SDK1: variants seen among roughly 807,000 people sequenced by gnomAD.
SDK1 encodes the protein protein sidekick-1.
SDK1 carries 157 observed loss-of-function variants against 245.5 expected under a neutral mutation model. The observed-to-expected ratio is 0.64, with a 90% CI of 0.56 to 0.73. The LOEUF (loss-of-function observed/expected upper bound fraction) is 0.73, where lower values mean the gene tolerates loss of function less well. Ranked by LOEUF, SDK1 falls within the 30% of genes least tolerant of loss-of-function variation. The pLI, the probability that SDK1 is intolerant of heterozygous loss-of-function variation, is 0.00. For missense variants in SDK1, 3,583 were observed against 3,002.3 expected (o/e 1.19, Z -4.52); for synonymous variants, 1,647 against 1,278.5 (o/e 1.29, Z -6.15).
At chr7:3,434,347 A>G (rs1193115632) in intron 1 of SDK1, among the ~76,000 whole-genome samples, 1 of 152,202 alleles carries the variant, frequency 6.6e-6, no homozygotes, top group Non-Finnish European at 1.5e-5. Flanking sequence ...TGGTTTTGGT[A>G]TATGAGGTGG....
At chr7:3,931,663 A>T (rs1025654385) in intron 5 of SDK1, among the ~76,000 whole-genome samples, 2 of 152,126 alleles carry the variant, frequency 1.3e-5, no homozygotes, top group Admixed American at 1.3e-4. Flanking sequence ...CAGCATCCCT[A>T]GGTTGATTGG....
intron 4 of SDK1, among the ~76,000 whole-genome samples, chr7:3,685,218 A>AC (rs1297586804): frequency 6.6e-6 from 1 of 151,822 alleles, no homozygotes; most frequent in African/African-American, 2.4e-5. Context: ...TTAAGTTAAA[A>AC]AAAAAAAGAG....
chr7:4,247,433 C>G (rs1287785832), intron 44 of SDK1, among the ~76,000 whole-genome samples: 3 of 152,248 alleles, frequency 2.0e-5, no homozygotes, highest in African/African-American at 7.2e-5. Flanking sequence ...CAGGGGCTGT[C>G]AAGTGAAATC....
intron 23 of SDK1, 80 bp from the exon 24 acceptor site, chr7:4,113,209 C>T: frequency 6.9e-7 from 1 of 1,459,754 alleles, no homozygotes; most frequent in Non-Finnish European, 9.3e-7. Flanking sequence ...CCTTGAGAAA[C>T]AGTCAGCGCC....
chr7:4,139,703 G>A (rs142459161), intron 28 of SDK1, among the ~76,000 whole-genome samples: 2,898 of 28,104 alleles, frequency 0.1, 29 homozygotes, highest in East Asian at 0.21. Context: ...GTGTGTGTGT[G>A]TATGTGTGTG....
intron 1 of SDK1, among the ~76,000 whole-genome samples, chr7:3,393,083 G>C (rs988246863): frequency 2.7e-5 from 4 of 145,472 alleles, no homozygotes; most frequent in South Asian, 4.4e-4. Flanking sequence ...CGATTGTCCT[G>C]TCTCAGTCTC....
intron 4 of SDK1, among the ~76,000 whole-genome samples, chr7:3,644,331 A>G (rs1782753577): frequency 6.6e-6 from 1 of 151,738 alleles, no homozygotes; most frequent in Admixed American, 6.6e-5. Flanking sequence ...GATAATTGCT[A>G]TCCTTTTTTC....
intron 1 of SDK1, among the ~76,000 whole-genome samples, chr7:3,342,581 T>C (rs1159536766): frequency 6.6e-6 from 1 of 150,406 alleles, no homozygotes; most frequent in Non-Finnish European, 1.5e-5. Context: ...AGAGCGAAAC[T>C]CCATCTCAAA....
intron 4 of SDK1, among the ~76,000 whole-genome samples, chr7:3,728,552 C>G (rs1779081206): frequency 6.6e-6 from 1 of 152,290 alleles, no homozygotes; most frequent in East Asian, 1.9e-4. Flanking sequence ...GGAGAAAGGC[C>G]TTGTGACATT....
intron 5 of SDK1, among the ~76,000 whole-genome samples, chr7:3,903,882 G>A (rs775088891): frequency 2.0e-5 from 3 of 152,042 alleles, no homozygotes; most frequent in Non-Finnish European, 4.4e-5. Flanking sequence ...TGAGAGAGCT[G>A]GTTGTTAAAA....
chr7:4,245,630 G>T, intron 43 of SDK1, 46 bp from the exon 44 acceptor site: 1 of 1,599,852 alleles, frequency 6.3e-7, no homozygotes, highest in Non-Finnish European at 8.5e-7. Flanking sequence ...CCGGGGAAGG[G>T]CGTCTTTTGC....
chr7:4,007,298 C>T (rs1473327248), intron 14 of SDK1, among the ~76,000 whole-genome samples: 1 of 152,140 alleles, frequency 6.6e-6, no homozygotes, highest in Non-Finnish European at 1.5e-5. Context: ...GAGCCCGAGG[C>T]AGTTGCAGAA....
intron 1 of SDK1, among the ~76,000 whole-genome samples, chr7:3,455,558 G>T (rs1306977219): frequency 6.6e-6 from 1 of 151,948 alleles, no homozygotes; most frequent in African/African-American, 2.4e-5. Context: ...GCCCTGAATT[G>T]CTTTTTCATC....
At chr7:4,246,244 T>C (rs1583167433) in intron 44 of SDK1, among the ~76,000 whole-genome samples, 1 of 152,094 alleles carries the variant, frequency 6.6e-6, no homozygotes, top group African/African-American at 2.4e-5. Context: ...AGAGTGTGGG[T>C]GTTGCCTGGG....
Position 3,803,248 on chromosome 7 carries a change from T to G in SDK1, c.714-18202T>G, listed in dbSNP as rs111336735. On this transcript the variant is annotated intron_variant, in intron 4 of 44. Transcript: ENST00000404826. ...CTTATTTGCCGTTTACATATTCTCT[T>G]TGGTCAAATGCTTCTTGTTGTACTC... 7.4e-4 allele frequency among the ~76,000 whole-genome samples: 113 copies of G among 152,318 alleles called. 1 individual carries two copies. Among genetic ancestry groups the G allele is most frequent in the African/African-American group, 2.5e-3 (106 of 41,572 alleles).
At chr7:3,358,538 A>T (rs555176580) in intron 1 of SDK1, among the ~76,000 whole-genome samples, 1 of 151,916 alleles carries the variant, frequency 6.6e-6, no homozygotes, top group Non-Finnish European at 1.5e-5. Flanking sequence ...GTCAGCCATC[A>T]TTACATTGTT....
At chr7:3,866,614 A>G (rs560459884) in intron 5 of SDK1, among the ~76,000 whole-genome samples, 3 of 152,286 alleles carry the variant, frequency 2.0e-5, no homozygotes, top group Admixed American at 6.5e-5. Flanking sequence ...TTTTCATGCA[A>G]TTCCACGGAG....
At chr7:3,805,726 G>C (rs80060114) in intron 4 of SDK1, among the ~76,000 whole-genome samples, 2,211 of 152,192 alleles carry the variant, frequency 0.015, 23 homozygotes, top group Non-Finnish European at 0.022. Context: ...AACACATCTA[G>C]TGCTAGTCTT....
chr7:3,452,739 C>G (rs988200697), intron 1 of SDK1, among the ~76,000 whole-genome samples: 2 of 152,094 alleles, frequency 1.3e-5, no homozygotes, highest in Non-Finnish European at 2.9e-5. Context: ...TGGAATTTCC[C>G]TCCCCTCCTC....
Sources: gnomAD v4.1 joint callset for allele counts (sites outside exome capture counted in the v4.1 genomes callset) on GRCh38, gnomAD v4.1.1 for gene constraint, MANE v1.5 for transcripts, NCBI Gene and HGNC (gene_info 2026-07-23, HGNC 2026-07-21) for gene names.